Variants in ZC3H12B observed in about 807,000 individuals in gnomAD.
ZC3H12B encodes probable ribonuclease ZC3H12B.
Under a neutral mutation model 43.9 loss-of-function variants are expected in ZC3H12B, and 7 were observed. That is an observed-to-expected ratio of 0.16 (90% CI 0.09 to 0.30). The LOEUF is 0.30. Among genes scored for constraint, ZC3H12B ranks in the 10% least tolerant of loss-of-function variants. The pLI is 1.00. For missense variants in ZC3H12B, 475 were observed against 670.2 expected (o/e 0.71, Z 3.22); for synonymous variants, 222 against 241.7 (o/e 0.92, Z 0.76).
At chrX:65,078,463 G>T in the ZC3H12B span, among the ~76,000 whole-genome samples, 20 of 112,041 alleles carry the variant, frequency 1.8e-4, no homozygotes, top group South Asian at 4.5e-3. Flanking sequence ...AACATAAGAA[G>T]AAATAATTGT....
the ZC3H12B span, among the ~76,000 whole-genome samples, chrX:65,214,142 G>T: frequency 9.0e-6 from 1 of 111,158 alleles, no homozygotes; most frequent in Non-Finnish European, 1.9e-5. Flanking sequence ...CTGGTGGTGG[G>T]TCCATCCTCA....
the ZC3H12B span, among the ~76,000 whole-genome samples, chrX:65,177,120 C>T: frequency 8.9e-6 from 1 of 112,096 alleles, no homozygotes; most frequent in Non-Finnish European, 1.9e-5. Flanking sequence ...AAGGATGGTT[C>T]AACATACACA....
chrX:65,129,933 A>G, the ZC3H12B span, among the ~76,000 whole-genome samples: 2 of 111,076 alleles, frequency 1.8e-5, no homozygotes, highest in African/African-American at 6.6e-5. Context: ...ATTATTGGTG[A>G]TGGTCTGGAT....
At chrX:65,192,253 G>A in the ZC3H12B span, among the ~76,000 whole-genome samples, 12 of 111,082 alleles carry the variant, frequency 1.1e-4, no homozygotes, top group African/African-American at 3.6e-4. Context: ...GGTGTGGTGT[G>A]GTGCTGAAAA....
At chrX:65,157,633 T>G in the ZC3H12B span, among the ~76,000 whole-genome samples, 4 of 111,685 alleles carry the variant, frequency 3.6e-5, no homozygotes, top group Non-Finnish European at 7.5e-5. Context: ...ATAGATAGAT[T>G]TTTCCATTTT....
At chrX:65,084,064 G>A in the ZC3H12B span, among the ~76,000 whole-genome samples, 1 of 111,680 alleles carries the variant, frequency 9.0e-6, no homozygotes, top group Admixed American at 9.5e-5. Context: ...ATATGCAGAA[G>A]AATGAAACTA....
chrX:65,242,090 C>T, the ZC3H12B span, among the ~76,000 whole-genome samples: 30 of 110,960 alleles, frequency 2.7e-4, no homozygotes, highest in Admixed American at 2.4e-3. Flanking sequence ...CACCACTTTC[C>T]TTGGCTAGGG....
intron 2 of ZC3H12B, among the ~76,000 whole-genome samples, chrX:65,382,061 C>T (rs2148010425): frequency 8.9e-6 from 1 of 111,863 alleles, no homozygotes; most frequent in East Asian, 2.8e-4. Context: ...GAAACTATTC[C>T]AATCAATAGA....
At chrX:65,168,143 G>A in the ZC3H12B span, among the ~76,000 whole-genome samples, 1 of 111,617 alleles carries the variant, frequency 9.0e-6, no homozygotes, top group East Asian at 2.8e-4. Context: ...TCCAGTTTTT[G>A]CCCATTTAGT....
At chrX:65,241,926 T>C in the ZC3H12B span, among the ~76,000 whole-genome samples, 8 of 111,506 alleles carry the variant, frequency 7.2e-5, no homozygotes, top group African/African-American at 2.6e-4. Flanking sequence ...TGGGTTTCTG[T>C]GAGCCTGAAC....
At chrX:65,232,594 A>T in the ZC3H12B span, among the ~76,000 whole-genome samples, 1 of 111,801 alleles carries the variant, frequency 8.9e-6, no homozygotes, top group Non-Finnish European at 1.9e-5. Flanking sequence ...AAATTATAAT[A>T]AATTCACAGA....
the ZC3H12B span, among the ~76,000 whole-genome samples, chrX:65,069,974 A>T: frequency 9.1e-6 from 1 of 109,718 alleles, no homozygotes; most frequent in Non-Finnish European, 1.9e-5. Flanking sequence ...ATAGTTGGGG[A>T]TGAGTCTTAT....
chrX:65,186,807 G>T, the ZC3H12B span, among the ~76,000 whole-genome samples: 1 of 111,645 alleles, frequency 9.0e-6, no homozygotes, highest in Non-Finnish European at 1.9e-5. Context: ...TTCCTGAGTT[G>T]CTTCACTTGG....
the ZC3H12B span, among the ~76,000 whole-genome samples, chrX:65,179,838 A>G: frequency 8.9e-6 from 1 of 112,214 alleles, no homozygotes; most frequent in African/African-American, 3.2e-5. Flanking sequence ...TAGACCAATA[A>G]CAATTTCTGA....
At chrX:65,205,551 A>G in the ZC3H12B span, among the ~76,000 whole-genome samples, 1 of 111,732 alleles carries the variant, frequency 8.9e-6, no homozygotes, top group Non-Finnish European at 1.9e-5. Context: ...GCCATATATG[A>G]CAAATCCACA....
the ZC3H12B span, among the ~76,000 whole-genome samples, chrX:65,176,783 G>A: frequency 1.8e-5 from 2 of 111,501 alleles, no homozygotes; most frequent in South Asian, 3.8e-4. Flanking sequence ...TGAGGCAGGA[G>A]CTAATAGCCT....
chrX:65,293,197 T>C, the ZC3H12B span, among the ~76,000 whole-genome samples: 1 of 111,070 alleles, frequency 9.0e-6, no homozygotes, highest in Non-Finnish European at 1.9e-5. Flanking sequence ...TATTTCTCAG[T>C]ACCACCCTGG....
the ZC3H12B span, among the ~76,000 whole-genome samples, chrX:65,112,201 G>A: frequency 8.9e-6 from 1 of 112,023 alleles, no homozygotes. Context: ...GCCTAATTCA[G>A]AGCAAGGCCC....
the ZC3H12B span, among the ~76,000 whole-genome samples, chrX:65,248,347 GGAGT>G: frequency 9.0e-6 from 1 of 111,279 alleles, no homozygotes; most frequent in African/African-American, 3.3e-5. Context: ...TTTTTAGAAA[GGAGT>G]ATTTGGGAAA....
Sources: allele counts gnomAD v4.1 joint callset (sites outside exome capture counted in the v4.1 genomes callset), GRCh38; gene constraint gnomAD v4.1.1; transcripts MANE v1.5; gene names NCBI Gene and HGNC (gene_info 2026-07-23, HGNC 2026-07-21).